The following ENPEP variants were observed in gnomAD, a reference collection of about 807,000 sequenced individuals.
The protein encoded by ENPEP is glutamyl aminopeptidase.
In ENPEP, 103 loss-of-function variants were observed where a neutral mutation model predicts 114.5. The ratio of observed to expected loss-of-function variants is 0.90; its 90% CI spans 0.77 to 1.06. ENPEP has a LOEUF of 1.06. Ranked by LOEUF, ENPEP falls within the 50% of genes least tolerant of loss-of-function variation. ENPEP has a pLI of 0.00. For missense variants in ENPEP, 1,196 were observed against 1,161.3 expected (o/e 1.03, Z -0.43); for synonymous variants, 420 against 422.0 (o/e 1.00, Z 0.06).
intron 10 of ENPEP, among the ~76,000 whole-genome samples, chr4:110,529,575 T>C (rs947695709): frequency 4.6e-5 from 7 of 152,158 alleles, no homozygotes; most frequent in Non-Finnish European, 8.8e-5. Context: ...CCAGTGCAGA[T>C]CATACTTCAG....
At chr4:110,532,143 C>T (rs2110375478) in intron 11 of ENPEP, among the ~76,000 whole-genome samples, 1 of 152,234 alleles carries the variant, frequency 6.6e-6, no homozygotes, top group South Asian at 2.1e-4. Flanking sequence ...AGATATAATT[C>T]ACATACCATA....
rs762041757 is a variant in ENPEP, at chr4:110,476,509, T to C, written c.95T>C (p.Ile32Thr). The change falls in exon 1 of 20, where the codon ATA (isoleucine) becomes ACA (threonine). Residue 32 changes from isoleucine (I) to threonine (T), a missense_variant. Transcript: ENST00000265162. Reference sequence around the variant, plus strand: ...GCGGTGGTGGTGGGTGTAGGATTAATAGTGGGACTTGCCGTGGGCTTGACC... The same window carrying C: ...GCGGTGGTGGTGGGTGTAGGATTAACAGTGGGACTTGCCGTGGGCTTGACC... The part of the protein sequence containing the change: ...LCAVVVGVGL[I>T]VGLAVGLTRS... The C allele has an allele frequency of 3.1e-6, 5 of 1,598,686 alleles. No homozygotes were observed. In the South Asian group the frequency reaches 3.4e-5, roughly 11 times the overall value.
chr4:110,528,336 ATTC>A (rs1726276269), intron 10 of ENPEP, among the ~76,000 whole-genome samples: 1 of 152,188 alleles, frequency 6.6e-6, no homozygotes, highest in South Asian at 2.1e-4. Flanking sequence ...TAGCAAAAGG[ATTC>A]TTCTTTGTTT....
chr4:110,530,595 T>C (rs1040584678), intron 10 of ENPEP, among the ~76,000 whole-genome samples: 1 of 152,168 alleles, frequency 6.6e-6, no homozygotes, highest in African/African-American at 2.4e-5. Flanking sequence ...AAATACTAAG[T>C]AGCTAAAGAG....
chr4:110,508,576 C>T (rs1725457750), intron 4 of ENPEP, among the ~76,000 whole-genome samples: 2 of 152,204 alleles, frequency 1.3e-5, no homozygotes, highest in African/African-American at 4.8e-5. Flanking sequence ...CTTTGGGAGG[C>T]CGAGGCGGGT....
intron 17 of ENPEP, among the ~76,000 whole-genome samples, chr4:110,550,808 T>A (rs1204842790): frequency 6.6e-6 from 1 of 152,142 alleles, no homozygotes; most frequent in Non-Finnish European, 1.5e-5. Context: ...AGAGGCAGAA[T>A]GTAAACAGTA....
chr4:110,502,408 T>C (rs1725196609), intron 3 of ENPEP, among the ~76,000 whole-genome samples: 1 of 152,214 alleles, frequency 6.6e-6, no homozygotes, highest in Non-Finnish European at 1.5e-5. Flanking sequence ...TTTATAGTTT[T>C]AGGTTTTACA....
At chr4:110,532,497 T>C (rs1369587296) in intron 11 of ENPEP, among the ~76,000 whole-genome samples, 2 of 152,212 alleles carry the variant, frequency 1.3e-5, no homozygotes, top group Non-Finnish European at 2.9e-5. Flanking sequence ...TGTTTATCCA[T>C]TTATCAGTTG....
chr4:110,523,256 A>G (rs1726072395), intron 10 of ENPEP, among the ~76,000 whole-genome samples: 1 of 152,178 alleles, frequency 6.6e-6, no homozygotes, highest in Non-Finnish European at 1.5e-5. Flanking sequence ...GAGTTCTCAC[A>G]AGATCTGATG....
chr4:110,507,538 T>C (rs754450798), intron 4 of ENPEP, among the ~76,000 whole-genome samples: 2 of 152,232 alleles, frequency 1.3e-5, no homozygotes, highest in Non-Finnish European at 2.9e-5. Flanking sequence ...ACAAGGGGAA[T>C]GCAAAATTCT....
rs3042468 is a variant in ENPEP at position 110,548,139 on chromosome 4, GTTTTTTTT to G, written c.2001-19_2001-12del. On this transcript the variant is annotated intron_variant, in intron 13 of 19. Coordinates refer to ENST00000265162, the MANE Select transcript of ENPEP (RefSeq NM_001977.4). ...GTCTGTGGTTTTTAATTAACTGTGAGTTTTTTTTTTTTTTTTTTTTTTTTTGTCTTTCT... is the reference window on the plus strand; with the variant it reads ...GTCTGTGGTTTTTAATTAACTGTGAGTTTTTTTTTTTTTTTTTGTCTTTCT... The G allele has an allele frequency of 8.1e-3, 5,589 of 690,808 alleles. 2 individuals carry two copies. The highest frequency in any genetic ancestry group is 0.022 in the East Asian group (332 of 15,296). 42.8% of individuals were successfully genotyped at this position (690,808 alleles called of 1,614,324 possible).
intron 17 of ENPEP, among the ~76,000 whole-genome samples, chr4:110,550,868 T>G (rs1727262456): frequency 6.6e-6 from 1 of 152,106 alleles, no homozygotes. Flanking sequence ...CAGTTTGCTT[T>G]TACCAGGTAG....
At chr4:110,503,256 C>T (rs541752538) in intron 3 of ENPEP, among the ~76,000 whole-genome samples, 26 of 152,130 alleles carry the variant, frequency 1.7e-4, no homozygotes, top group Admixed American at 3.3e-4. Context: ...TTATTTTTGT[C>T]GGACTGAGTT....
intron 12 of ENPEP, 29 bp downstream of exon 12, chr4:110,542,916 T>C (rs763003892): frequency 1.9e-6 from 3 of 1,610,664 alleles, no homozygotes; most frequent in Non-Finnish European, 1.7e-6. Flanking sequence ...TGGAAACTTT[T>C]ATTTTTGTTC....
Position 110,488,674 on chromosome 4 carries a change from C to T in ENPEP, c.778C>T (p.Pro260Ser), listed in dbSNP as rs377134824. The change falls in exon 2 of 20, where the codon CCA becomes TCA. Residue 260 changes from proline (P) to serine (S), a missense_variant. Physicochemically the swap from Pro to Ser is moderately conservative, Grantham distance 74. Transcript: ENST00000265162. ...AGAATACGGAGCACTTTCAAATATG[C>T]CAGTGGCGGTAAGTATTTTTTAAAT... is the stretch of plus-strand genomic sequence containing the variant. The part of the protein sequence containing the change: ...PKEYGALSNM[P>S]VAKEESVDDK... 1 of 1,608,868 alleles carries T rather than the reference C, an allele frequency of 6.2e-7. No individual in the cohort carries two copies. Among genetic ancestry groups the T allele is most frequent in the Non-Finnish European group, 8.5e-7 (1 of 1,178,554 alleles).
Position 110,476,860 on chromosome 4 carries a change from G to T in ENPEP, c.446G>T (p.Arg149Met). Reference sequence around the variant, plus strand: ...ATCACCCGGCTCCCGGAGCTGAAGAGGCCCTCTGGGGACCAGGTGCAAGTC... The same window carrying T: ...ATCACCCGGCTCCCGGAGCTGAAGATGCCCTCTGGGGACCAGGTGCAAGTC... ...TRITRLPELK[R>M]PSGDQVQVRR... Residue 149 changes from arginine to methionine, a missense_variant, in exon 1 of 20, where the codon AGG becomes ATG. Physicochemically the swap from Arg to Met is moderately conservative, Grantham distance 91. Coordinates refer to ENST00000265162, the MANE Select transcript of ENPEP (RefSeq NM_001977.4). 2.5e-6 allele frequency: 4 copies of T among 1,614,104 alleles called. No homozygotes were observed. The highest frequency in any genetic ancestry group is 1.7e-6 in the Non-Finnish European group (2 of 1,180,014).
rs1724091305 is a variant in ENPEP, at chr4:110,476,255, G to C, written c.-160G>C. 3.6e-6 allele frequency: 3 copies of C among 828,256 alleles called. No homozygotes were observed. Among genetic ancestry groups the C allele is most frequent in the Admixed American group, 6.3e-5 (2 of 31,860 alleles). The allele number at this position is 828,256 out of a possible 1,614,324, so 51.3% of individuals were successfully genotyped here. On this transcript the variant is annotated 5_prime_UTR_variant, in exon 1 of 20. Coordinates refer to ENST00000265162, the MANE Select transcript of ENPEP (RefSeq NM_001977.4). ...AGTGGCTGGTGGGAACGTGAAAAGGGAGAGGAAAAGGCGCAAGAAGCCAGA... is the reference window on the plus strand; with the variant it reads ...AGTGGCTGGTGGGAACGTGAAAAGGCAGAGGAAAAGGCGCAAGAAGCCAGA...
intron 4 of ENPEP, among the ~76,000 whole-genome samples, chr4:110,507,380 A>C (rs1725410618): frequency 1.3e-5 from 2 of 152,260 alleles, no homozygotes; most frequent in Non-Finnish European, 2.9e-5. Flanking sequence ...TTTATTAATA[A>C]GCTCGAGAGC....
intron 3 of ENPEP, among the ~76,000 whole-genome samples, chr4:110,503,805 T>C (rs937263751): frequency 4.6e-5 from 7 of 152,212 alleles, no homozygotes; most frequent in African/African-American, 1.7e-4. Context: ...TTGCGCTGAA[T>C]TCATGTCCTT....
Sources: allele counts gnomAD v4.1 joint callset (sites outside exome capture counted in the v4.1 genomes callset), GRCh38; gene constraint gnomAD v4.1.1; transcripts MANE v1.5; gene names NCBI Gene and HGNC (gene_info 2026-07-23, HGNC 2026-07-21).